PMP22: variants seen among roughly 807,000 people sequenced by gnomAD.
PMP22 encodes the protein Charcot-Marie-Tooth neuropathy 1A (greatly reduced nerve conduction velocity, hereditary motor sensory neuropathy Ia).
A neutral mutation model predicts 18.9 loss-of-function variants in PMP22; 2 were observed. That is an observed-to-expected ratio of 0.11 (90% CI 0.04 to 0.33). The LOEUF (loss-of-function observed/expected upper bound fraction) is 0.33. Among genes scored for constraint, PMP22 ranks in the 10% least tolerant of loss-of-function variants. PMP22 has a pLI of 1.00. For synonymous variants in PMP22, 95 were observed against 89.2 expected (o/e 1.07, Z -0.37); for missense variants, 169 against 202.2 (o/e 0.84, Z 1.00).
chr17:15,245,591 A>G (rs1234073909), intron 3 of PMP22, among the ~76,000 whole-genome samples: 1 of 152,228 alleles, frequency 6.6e-6, no homozygotes, highest in Non-Finnish European at 1.5e-5. Flanking sequence ...GTTAAAGGAT[A>G]GTGCAAATAA....
intron 3 of PMP22, among the ~76,000 whole-genome samples, chr17:15,248,723 A>G (rs139263872): frequency 9.9e-4 from 151 of 152,326 alleles, no homozygotes; most frequent in African/African-American, 3.4e-3. Context: ...AGGGGAGTGC[A>G]TTGTACGATG....
chr17:15,248,283 C>T (rs1053027007), intron 3 of PMP22, among the ~76,000 whole-genome samples: 9 of 152,036 alleles, frequency 5.9e-5, no homozygotes, highest in Non-Finnish European at 1.0e-4. Flanking sequence ...GTGACGTGGG[C>T]GGCTCTCTCA....
intron 3 of PMP22, among the ~76,000 whole-genome samples, chr17:15,242,169 C>T (rs1167789500): frequency 2.1e-5 from 3 of 145,204 alleles, no homozygotes; most frequent in Admixed American, 7.2e-5. Context: ...CAGAGAATCG[C>T]TTGAACTCAG....
rs1015965333 is a variant in PMP22, at chr17:15,230,006, G to T, written c.*911C>A. The T allele has an allele frequency of 2.0e-5, 3 of 152,630 alleles. No individual in the cohort carries two copies. The allele number at this position is 152,630 out of a possible 1,614,324, so 9.5% of individuals were successfully genotyped here. On this transcript the variant is annotated 3_prime_UTR_variant, in exon 5 of 5. Transcript: ENST00000312280. The stretch of plus-strand genomic sequence containing the variant: ...ACTCACGGTCCCAAGGAGTCTAGAC[G>T]CTTGTTCTGATGCTCCGACCGTAAG...
At chr17:15,259,308 G>A (rs1480857112) in intron 2 of PMP22, 115 bp from the exon 3 acceptor site, 20 of 791,364 alleles carry the variant, frequency 2.5e-5, no homozygotes, top group Middle Eastern at 2.3e-4. Flanking sequence ...TAGCCACACC[G>A]CCCACCCCTG....
intron 3 of PMP22, among the ~76,000 whole-genome samples, chr17:15,251,928 T>C (rs1053337780): frequency 2.0e-5 from 3 of 152,082 alleles, no homozygotes; most frequent in African/African-American, 7.2e-5. Flanking sequence ...TTCATACTAA[T>C]TCCTGGGTAT....
intron 3 of PMP22, among the ~76,000 whole-genome samples, chr17:15,248,553 G>A (rs1310234686): frequency 2.0e-5 from 3 of 152,180 alleles, no homozygotes; most frequent in South Asian, 2.1e-4. Context: ...GGAATAACAC[G>A]CAGCCACTGA....
intron 1 of PMP22, among the ~76,000 whole-genome samples, chr17:15,264,303 G>GA (rs1269943642): frequency 1.3e-5 from 2 of 151,716 alleles, no homozygotes; most frequent in African/African-American, 2.4e-5. Context: ...TATGCAAGTA[G>GA]AAAAAAAAGT....
intron 3 of PMP22, among the ~76,000 whole-genome samples, chr17:15,245,561 A>C (rs979954645): frequency 2.0e-5 from 3 of 152,232 alleles, no homozygotes; most frequent in African/African-American, 7.2e-5. Context: ...ATCAAACAAA[A>C]GAGTTGTTAT....
intron 3 of PMP22, among the ~76,000 whole-genome samples, chr17:15,256,657 A>T (rs1237943654): frequency 1.3e-5 from 2 of 152,296 alleles, no homozygotes; most frequent in East Asian, 3.9e-4. Flanking sequence ...TCAATAACAA[A>T]TTACTTTTGA....
chr17:15,231,723 C>T (rs1332428463), intron 4 of PMP22, among the ~76,000 whole-genome samples: 1 of 152,204 alleles, frequency 6.6e-6, no homozygotes, highest in Non-Finnish European at 1.5e-5. Flanking sequence ...TGGGAAGCCA[C>T]GCTGCAGAGG....
chr17:15,236,065 T>C (rs369785581), intron 4 of PMP22, among the ~76,000 whole-genome samples: 82 of 146,464 alleles, frequency 5.6e-4, no homozygotes, highest in Middle Eastern at 3.6e-3. Context: ...CCGCCCACTG[T>C]CTTTTTTTTT....
intron 3 of PMP22, among the ~76,000 whole-genome samples, chr17:15,247,892 C>T (rs1907974266): frequency 1.3e-5 from 2 of 152,158 alleles, no homozygotes; most frequent in South Asian, 4.1e-4. Context: ...TTATTAACAC[C>T]TCCCATTTGC....
intron 3 of PMP22, among the ~76,000 whole-genome samples, chr17:15,256,477 C>A (rs1433904689): frequency 6.6e-6 from 1 of 152,094 alleles, no homozygotes; most frequent in Non-Finnish European, 1.5e-5. Context: ...CCCCTCTCTA[C>A]TAAAAATACA....
At chr17:15,262,431 C>A (rs1466879092) in intron 1 of PMP22, 1 of 152,278 alleles carries the variant, frequency 6.6e-6, no homozygotes, top group Admixed American at 6.5e-5. Flanking sequence ...TCACTTACAG[C>A]CCAAAGGAAC....
intron 3 of PMP22, among the ~76,000 whole-genome samples, chr17:15,257,752 C>G (rs968388306): frequency 1.3e-5 from 2 of 152,220 alleles, no homozygotes; most frequent in African/African-American, 4.8e-5. Flanking sequence ...CACTCAGAGA[C>G]AAGATTAAGC....
chr17:15,257,690 T>C (rs144628183), intron 3 of PMP22, among the ~76,000 whole-genome samples: 5 of 152,336 alleles, frequency 3.3e-5, no homozygotes, highest in Non-Finnish European at 7.3e-5. Context: ...CAACTCACCA[T>C]GCAAACCCAC....
At chr17:15,236,146 T>C (rs879785915) in intron 4 of PMP22, among the ~76,000 whole-genome samples, 6 of 152,046 alleles carry the variant, frequency 3.9e-5, no homozygotes, top group Non-Finnish European at 7.4e-5. Flanking sequence ...GAAGGAGCCT[T>C]TTGATATGCA....
rs549180136 is a variant in PMP22, at chr17:15,230,879, A to C, written c.*38T>G. ...TCTGTTTTCCCTTCCTCCCTTCCCT[A>C]TGTACGCTCAGAGCCTCAGACAGAC... On this transcript the variant is annotated 3_prime_UTR_variant, in exon 5 of 5. Transcript: ENST00000312280. 4.4e-6 allele frequency: 7 copies of C among 1,609,178 alleles called. No individual in the cohort carries two copies. In the South Asian group the frequency reaches 6.6e-5, roughly 15 times the overall value.
Sources: allele counts gnomAD v4.1 joint callset (sites outside exome capture counted in the v4.1 genomes callset), GRCh38; gene constraint gnomAD v4.1.1; transcripts MANE v1.5; gene names NCBI Gene and HGNC (gene_info 2026-07-23, HGNC 2026-07-21).